ATXN1: variants seen among roughly 807,000 people sequenced by gnomAD.
ATXN1 encodes ataxin-1.
A neutral mutation model predicts 56.4 loss-of-function variants in ATXN1; 8 were observed. The observed-to-expected ratio is 0.14, with a 90% confidence interval of 0.08 to 0.26. The LOEUF is 0.26. Ranked by LOEUF, ATXN1 falls within the 10% of genes least tolerant of loss-of-function variation. ATXN1 has a pLI of 1.00. For synonymous variants in ATXN1, 514 were observed against 494.6 expected, an observed-to-expected ratio of 1.04 and a Z score of -0.52; for missense variants, 987 against 1,106.5, an observed-to-expected ratio of 0.89 and a Z score of 1.53.
chr6:16,478,088 G>C (rs1760363567), intron 6 of ATXN1, among the ~76,000 whole-genome samples: 1 of 152,092 alleles, frequency 6.6e-6, no homozygotes, highest in African/African-American at 2.4e-5. Context: ...TCACCAGTGG[G>C]GCTAGGAACC....
intron 4 of ATXN1, among the ~76,000 whole-genome samples, chr6:16,529,965 T>C (rs1012726043): frequency 6.6e-6 from 1 of 152,212 alleles, no homozygotes; most frequent in Non-Finnish European, 1.5e-5. Context: ...ATAAAAGGCA[T>C]GCTTATTGAG....
Position 16,326,663 on chromosome 6 carries a change from C to T in ATXN1, c.1648G>A (p.Ala550Thr), listed in dbSNP as rs1460150858. The T allele has an allele frequency of 1.2e-6, 2 of 1,613,370 alleles. No homozygotes were observed. Among genetic ancestry groups the T allele is most frequent in the Non-Finnish European group, 1.7e-6 (2 of 1,180,036 alleles). The change falls in exon 7 of 8, where the codon GCC becomes ACC. Residue 550 changes from alanine to threonine, a missense_variant. By Grantham distance (58) the Ala-to-Thr change is moderately conservative. Around this residue, in one of 3 missense-constraint regions of ATXN1, gnomAD observed 723 missense variants for 791.7 expected, o/e 0.91. Transcript: ENST00000436367. The surrounding 1 kb of genome is among the most constrained non-coding windows in gnomAD (Gnocchi z 6.6). ...TQAAYPAMVQ[A>T]QIHLPVVQSV... is the part of the protein sequence containing the mutation. ...TGCACCACAGGCAGGTGGATCTGGG[C>T]CTGCACCATGGCTGGGTAGGCGGCC...
At chr6:16,530,150 G>T (rs746825484) in intron 4 of ATXN1, among the ~76,000 whole-genome samples, 2 of 152,188 alleles carry the variant, frequency 1.3e-5, no homozygotes, top group African/African-American at 4.8e-5. Flanking sequence ...ATACTCCTCT[G>T]ATATTGGCTG....
intron 6 of ATXN1, among the ~76,000 whole-genome samples, chr6:16,425,483 C>T (rs1321822286): frequency 6.6e-6 from 1 of 152,210 alleles, no homozygotes; most frequent in East Asian, 1.9e-4. Context: ...TATTCACACA[C>T]CTTGGAGCCT....
In ATXN1 at chr6:16,326,578, G is replaced by A. The variant is rs768686253; in HGVS notation, c.1733C>T (p.Ser578Phe). The change falls in exon 7 of 8, where the codon TCC becomes TTC. Residue 578 changes from serine (S) to phenylalanine (F), a missense_variant. Transcript: ENST00000436367. The surrounding 1 kb of genome is among the most constrained non-coding windows in gnomAD (Gnocchi z 6.6). Reference protein sequence around the residue: ...PTLPPYFMKGSIIQLANGELK... With the variant: ...PTLPPYFMKGFIIQLANGELK... ...CTCCCCGTTGGCCAACTGGATGATG[G>A]AGCCTTTCATGAAGTAGGGAGGCAG... 1.2e-6 allele frequency: 2 copies of A among 1,614,158 alleles called. No individual in the cohort carries two copies. The highest frequency in any genetic ancestry group is 1.1e-5 in the South Asian group (1 of 91,080).
chr6:16,673,046 A>G (rs908905211), intron 2 of ATXN1, among the ~76,000 whole-genome samples: 15 of 151,888 alleles, frequency 9.9e-5, no homozygotes, highest in African/African-American at 3.6e-4. Flanking sequence ...AGAAAAGAAA[A>G]GAAAGAAAAC....
intron 3 of ATXN1, among the ~76,000 whole-genome samples, chr6:16,591,690 G>T (rs1762726252): frequency 6.6e-6 from 1 of 152,036 alleles, no homozygotes; most frequent in African/African-American, 2.4e-5. Flanking sequence ...CTCCTTAGGG[G>T]CCCCAGCGAG....
chr6:16,641,377 C>A (rs1002763709), intron 3 of ATXN1, among the ~76,000 whole-genome samples: 3 of 152,180 alleles, frequency 2.0e-5, no homozygotes, highest in Non-Finnish European at 2.9e-5. Context: ...TTGTTACGGG[C>A]AAATGCAGCT....
At chr6:16,514,955 C>G (rs1282342092) in intron 5 of ATXN1, among the ~76,000 whole-genome samples, 1 of 151,658 alleles carries the variant, frequency 6.6e-6, no homozygotes, top group East Asian at 1.9e-4. Flanking sequence ...TGCACTCCAG[C>G]CTGGCGACAG....
chr6:16,471,524 CAAT>C (rs1345845698), intron 6 of ATXN1, among the ~76,000 whole-genome samples: 1 of 152,106 alleles, frequency 6.6e-6, no homozygotes, highest in East Asian at 1.9e-4. Flanking sequence ...AGATAAGTGA[CAAT>C]GATAGCTCAC....
At chr6:16,681,173 G>A (rs1433317684) in intron 2 of ATXN1, among the ~76,000 whole-genome samples, 6 of 152,232 alleles carry the variant, frequency 3.9e-5, no homozygotes, top group Admixed American at 6.5e-5. Context: ...GCTGTTGTAA[G>A]ACTCTATCTC....
chr6:16,587,782 C>A (rs1230918360), intron 3 of ATXN1, among the ~76,000 whole-genome samples: 1 of 151,338 alleles, frequency 6.6e-6, no homozygotes, highest in Non-Finnish European at 1.5e-5. Flanking sequence ...AAAAAAAAAA[C>A]TAGCCAGGCA....
At chr6:16,529,640 C>T (rs1402475558) in intron 4 of ATXN1, among the ~76,000 whole-genome samples, 1 of 152,068 alleles carries the variant, frequency 6.6e-6, no homozygotes, top group Non-Finnish European at 1.5e-5. Context: ...TTATTTTATC[C>T]AACTTTTTTC....
At chr6:16,695,237 A>C (rs148208344) in intron 2 of ATXN1, among the ~76,000 whole-genome samples, 4 of 152,304 alleles carry the variant, frequency 2.6e-5, no homozygotes, top group Non-Finnish European at 5.9e-5. Context: ...TCTTTCTGAA[A>C]AGGATACATT....
chr6:16,676,386 A>G (rs1015912445), intron 2 of ATXN1, among the ~76,000 whole-genome samples: 1 of 152,218 alleles, frequency 6.6e-6, no homozygotes, highest in Non-Finnish European at 1.5e-5. Context: ...AAAGTAGTAC[A>G]TTATTTCAAA....
chr6:16,547,564 T>C (rs1449851117), intron 4 of ATXN1, among the ~76,000 whole-genome samples: 2 of 152,130 alleles, frequency 1.3e-5, no homozygotes, highest in Non-Finnish European at 2.9e-5. Flanking sequence ...TAGAAATGCA[T>C]TGTCTTACAG....
chr6:16,670,690 A>G (rs771464676), intron 2 of ATXN1, among the ~76,000 whole-genome samples: 6 of 152,208 alleles, frequency 3.9e-5, no homozygotes, highest in Non-Finnish European at 8.8e-5. Flanking sequence ...GCATTGATGC[A>G]TTTCATTACT....
At chr6:16,626,781 T>C (rs916636018) in intron 3 of ATXN1, among the ~76,000 whole-genome samples, 5 of 152,168 alleles carry the variant, frequency 3.3e-5, no homozygotes, top group Non-Finnish European at 7.3e-5. Flanking sequence ...TAAGGTCATA[T>C]GAAAGGGCCC....
intron 3 of ATXN1, among the ~76,000 whole-genome samples, chr6:16,626,442 C>A (rs1172311010): frequency 6.6e-6 from 1 of 152,080 alleles, no homozygotes; most frequent in African/African-American, 2.4e-5. Flanking sequence ...CAGGCACGCA[C>A]CACCATGCCC....
Sources: allele counts gnomAD v4.1 joint callset (sites outside exome capture counted in the v4.1 genomes callset), GRCh38; gene constraint gnomAD v4.1.1; regional missense constraint gnomAD v4.1.1; non-coding constraint Gnocchi (gnomAD v3.1); transcripts MANE v1.5; gene names NCBI Gene and HGNC (gene_info 2026-07-23, HGNC 2026-07-21).